SLC39A11: variants seen among roughly 807,000 people sequenced by gnomAD.
SLC39A11 encodes the protein zinc transporter ZIP11.
In SLC39A11, 33 loss-of-function variants were observed where a neutral mutation model predicts 36.1. The observed-to-expected ratio is 0.91, with a 90% CI of 0.69 to 1.22. The LOEUF is 1.22. SLC39A11 is among the 50% of genes most tolerant of loss of function. The probability of loss-of-function intolerance (pLI) is 0.00; values close to 1 mark genes in which losing one functional copy is unlikely to be tolerated. For synonymous variants in SLC39A11, 166 were observed against 170.3 expected (o/e 0.97, Z 0.20); for missense variants, 432 against 430.3 (o/e 1.00, Z -0.03).
At chr17:73,011,707 G>T (rs1253532309) in intron 4 of SLC39A11, among the ~76,000 whole-genome samples, 2 of 150,782 alleles carry the variant, frequency 1.3e-5, no homozygotes, top group Admixed American at 1.3e-4. Flanking sequence ...TGTTGCCCAG[G>T]CTGGAGTGCA....
intron 7 of SLC39A11, among the ~76,000 whole-genome samples, chr17:72,691,497 T>A (rs780609232): frequency 6.6e-5 from 10 of 152,224 alleles, no homozygotes; most frequent in Non-Finnish European, 1.2e-4. Context: ...ACACCTACTT[T>A]GTGCCAGAAA....
intron 7 of SLC39A11, among the ~76,000 whole-genome samples, chr17:72,713,904 A>T (rs1598420331): frequency 6.6e-6 from 1 of 152,194 alleles, no homozygotes; most frequent in Non-Finnish European, 1.5e-5. Context: ...TACAGATTTT[A>T]AAAAAGCAAA....
intron 6 of SLC39A11, among the ~76,000 whole-genome samples, chr17:72,831,422 T>A (rs1437285043): frequency 6.6e-6 from 1 of 152,230 alleles, no homozygotes; most frequent in East Asian, 1.9e-4. Context: ...CAGGCTCGTG[T>A]CCATGACCTT....
At chr17:72,938,104 G>A (rs549924962) in intron 5 of SLC39A11, among the ~76,000 whole-genome samples, 1 of 152,294 alleles carries the variant, frequency 6.6e-6, no homozygotes, top group South Asian at 2.1e-4. Flanking sequence ...TGAGACAACT[G>A]ATTTAATTTT....
intron 5 of SLC39A11, among the ~76,000 whole-genome samples, chr17:72,850,894 A>T (rs1277209317): frequency 6.6e-6 from 1 of 152,162 alleles, no homozygotes; most frequent in Non-Finnish European, 1.5e-5. Context: ...ACACTGATTT[A>T]TGGGAACCAA....
intron 6 of SLC39A11, among the ~76,000 whole-genome samples, chr17:72,845,167 A>T (rs181406197): frequency 2.8e-3 from 424 of 152,348 alleles, no homozygotes; most frequent in Non-Finnish European, 4.6e-3. Context: ...GTATCTAAAG[A>T]GAAACAAACT....
intron 6 of SLC39A11, among the ~76,000 whole-genome samples, chr17:72,743,544 TC>T (rs1231661392): frequency 6.6e-6 from 1 of 152,050 alleles, no homozygotes; most frequent in Non-Finnish European, 1.5e-5. Context: ...CAGCCCACTT[TC>T]CCCCTGGATT....
intron 3 of SLC39A11, among the ~76,000 whole-genome samples, chr17:73,070,196 C>T (rs572275715): frequency 6.6e-6 from 1 of 152,330 alleles, no homozygotes; most frequent in East Asian, 1.9e-4. Flanking sequence ...AGAGGACAGG[C>T]CCGAGTTCCC....
Position 73,086,747 on chromosome 17 carries a change from G to A in SLC39A11, c.109-1901C>T, listed in dbSNP as rs1599234288. Among the ~76,000 whole-genome samples the A allele has an allele frequency of 2.0e-5, 3 of 152,338 alleles. No individual in the cohort carries two copies. The South Asian group carries it at 6.2e-4, about 32-fold the overall frequency. On this transcript the variant is annotated intron_variant, in intron 2 of 9. Transcript: ENST00000255559. ...AGGTGGGACGATCACTTGAACCCAG[G>A]AGGTGGAGGTTGCAGTGAGCTGAGA...
intron 4 of SLC39A11, among the ~76,000 whole-genome samples, chr17:72,955,304 T>C (rs1014327709): frequency 8.4e-5 from 11 of 131,242 alleles, no homozygotes; most frequent in Non-Finnish European, 1.1e-4. Context: ...TTCTCTTTTT[T>C]TTTTTTTTTT....
At chr17:73,027,534 T>C (rs1449517179) in intron 4 of SLC39A11, among the ~76,000 whole-genome samples, 2 of 152,248 alleles carry the variant, frequency 1.3e-5, no homozygotes, top group South Asian at 2.1e-4. Context: ...TTGAGGCATC[T>C]GAAGTTAACA....
At chr17:72,833,361 C>T (rs1476424577) in intron 6 of SLC39A11, among the ~76,000 whole-genome samples, 2 of 152,222 alleles carry the variant, frequency 1.3e-5, no homozygotes, top group East Asian at 1.9e-4. Flanking sequence ...CTTAAGAATG[C>T]ACTTTATCCT....
At chr17:73,038,050 C>G (rs947256663) in intron 3 of SLC39A11, among the ~76,000 whole-genome samples, 8 of 152,066 alleles carry the variant, frequency 5.3e-5, no homozygotes, top group Non-Finnish European at 8.8e-5. Context: ...TGGCGAAACC[C>G]CGTCTCTACT....
intron 6 of SLC39A11, among the ~76,000 whole-genome samples, chr17:72,775,138 G>A (rs79387560): frequency 0.063 from 9,617 of 152,090 alleles, 353 homozygotes; most frequent in African/African-American, 0.087. Context: ...CCCCATTTCT[G>A]GCCCCAAGAC....
intron 6 of SLC39A11, among the ~76,000 whole-genome samples, chr17:72,748,831 C>G (rs1445771002): frequency 1.3e-5 from 2 of 152,170 alleles, no homozygotes; most frequent in Non-Finnish European, 2.9e-5. Flanking sequence ...AGCCAACTCC[C>G]CTGACCTTGC....
chr17:72,898,370 C>T (rs1791143997), intron 5 of SLC39A11, among the ~76,000 whole-genome samples: 1 of 152,220 alleles, frequency 6.6e-6, no homozygotes, highest in South Asian at 2.1e-4. Flanking sequence ...AGCTATACCG[C>T]TGCTACTGGG....
At chr17:72,873,786 GT>G (rs2080762047) in intron 5 of SLC39A11, among the ~76,000 whole-genome samples, 2 of 152,202 alleles carry the variant, frequency 1.3e-5, no homozygotes, top group South Asian at 4.2e-4. Context: ...TTGGCTCTGT[GT>G]CCCCACCCCC....
chr17:72,647,536 C>T lies in SLC39A11; in HGVS notation c.*48G>A. 6.5e-7 allele frequency: 1 copy of T among 1,536,016 alleles called. No individual in the cohort carries two copies. The highest frequency in any genetic ancestry group is 1.2e-5 in the South Asian group (1 of 86,620). ...CTTGTTGTCCCATAGAAGCCAACCA[C>T]TGCTGTTTCTTCGTATGGCCTTTCC... is the stretch of plus-strand genomic sequence containing the variant. On this transcript the variant is annotated 3_prime_UTR_variant, in exon 10 of 10. Coordinates refer to ENST00000255559, the MANE Select transcript of SLC39A11 (RefSeq NM_139177.4).
rs56021607 is a variant in SLC39A11, at chr17:73,062,475, A to AAAAAAAAAAAAAAAAAAAAAAAAAAC, written c.147+22332_147+22333insGTTTTTTTTTTTTTTTTTTTTTTTTT. ...AGAGCTTGTCTCAAAAAAAAAAAAA[A>AAAAAAAAAAAAAAAAAAAAAAAAAAC]AAACTTTAGGTGATACACTTCTGCT... On this transcript the variant is annotated intron_variant, in intron 3 of 9. Coordinates refer to ENST00000255559, the MANE Select transcript of SLC39A11 (RefSeq NM_139177.4). 6.3e-3 allele frequency among the ~76,000 whole-genome samples: 546 copies of AAAAAAAAAAAAAAAAAAAAAAAAAAC among 86,974 alleles called. 147 individuals are homozygous for AAAAAAAAAAAAAAAAAAAAAAAAAAC. The highest frequency in any genetic ancestry group is 0.016 in the East Asian group (40 of 2,486). The allele number at this position is 86,974 out of a possible 152,430, so 57.1% of individuals were successfully genotyped here.
Sources: allele counts gnomAD v4.1 joint callset (sites outside exome capture counted in the v4.1 genomes callset), GRCh38; gene constraint gnomAD v4.1.1; transcripts MANE v1.5; gene names NCBI Gene and HGNC (gene_info 2026-07-23, HGNC 2026-07-21).